GRM5: variants seen among roughly 807,000 people sequenced by gnomAD.
The protein encoded by GRM5 is metabotropic glutamate receptor 5.
A neutral mutation model predicts 83.1 loss-of-function variants in GRM5; 19 were observed. The observed-to-expected ratio is 0.23, with a 90% confidence interval of 0.16 to 0.34. The LOEUF is 0.34. GRM5 is among the 10% of genes least tolerant of loss of function. The probability of loss-of-function intolerance (pLI) is 1.00; values close to 1 mark genes in which losing one functional copy is unlikely to be tolerated. For missense variants in GRM5, 1,160 were observed against 1,588.3 expected (o/e 0.73, Z 4.58); for synonymous variants, 675 against 633.6 (o/e 1.07, Z -0.98).
At chr11:88,916,578 G>C (rs1945596153) in intron 2 of GRM5, among the ~76,000 whole-genome samples, 1 of 151,998 alleles carries the variant, frequency 6.6e-6, no homozygotes, top group Non-Finnish European at 1.5e-5. Flanking sequence ...AACTAGAAAG[G>C]CTGCCTAGAC....
chr11:89,054,850 T>C (rs1012930341), intron 1 of GRM5, among the ~76,000 whole-genome samples: 4 of 152,224 alleles, frequency 2.6e-5, no homozygotes, highest in African/African-American at 7.2e-5. Context: ...AACATATACA[T>C]TGACATTAAT....
At chr11:89,002,030 G>A (rs1328711467) in intron 2 of GRM5, among the ~76,000 whole-genome samples, 1 of 152,094 alleles carries the variant, frequency 6.6e-6, no homozygotes, top group South Asian at 2.1e-4. Context: ...TAGAGAGCTG[G>A]AAATATGGTT....
chr11:88,915,228 CAATA>C (rs1394480822), intron 2 of GRM5, among the ~76,000 whole-genome samples: 1 of 152,032 alleles, frequency 6.6e-6, no homozygotes, highest in Non-Finnish European at 1.5e-5. Flanking sequence ...AAGAAAACAT[CAATA>C]AATATACTAT....
intron 3 of GRM5, among the ~76,000 whole-genome samples, chr11:88,715,579 C>A (rs556166913): frequency 3.9e-5 from 6 of 151,948 alleles, no homozygotes; most frequent in African/African-American, 1.2e-4. Flanking sequence ...AGATTTTACA[C>A]GAATCTTTGT....
At chr11:88,629,651 C>A (rs945658528) in intron 4 of GRM5, among the ~76,000 whole-genome samples, 3 of 152,146 alleles carry the variant, frequency 2.0e-5, no homozygotes, top group African/African-American at 7.2e-5. Context: ...ACAGGATACC[C>A]ATGCTGTCTC....
intron 2 of GRM5, among the ~76,000 whole-genome samples, chr11:88,919,719 A>T (rs774921593): frequency 6.6e-6 from 1 of 152,076 alleles, no homozygotes; most frequent in Admixed American, 6.5e-5. Context: ...GAACAACAGA[A>T]TAATATTAAA....
At chr11:88,546,510 T>C (rs763657497) in intron 8 of GRM5, among the ~76,000 whole-genome samples, 10 of 152,164 alleles carry the variant, frequency 6.6e-5, no homozygotes, top group Non-Finnish European at 1.3e-4. Flanking sequence ...TTAATAATTA[T>C]ATATGTTAAA....
At chr11:88,626,358 A>G (rs1220259564) in intron 4 of GRM5, among the ~76,000 whole-genome samples, 1 of 152,194 alleles carries the variant, frequency 6.6e-6, no homozygotes, top group African/African-American at 2.4e-5. Context: ...CTAATCGGAA[A>G]CCTTCTGGCA....
At chr11:88,697,122 A>G (rs1940923183) in intron 3 of GRM5, among the ~76,000 whole-genome samples, 1 of 152,204 alleles carries the variant, frequency 6.6e-6, no homozygotes, top group Admixed American at 6.5e-5. Flanking sequence ...TATTTTTTAT[A>G]AAATGTTCAT....
intron 4 of GRM5, among the ~76,000 whole-genome samples, chr11:88,618,839 G>A (rs1422289154): frequency 2.0e-5 from 3 of 152,112 alleles, no homozygotes; most frequent in Non-Finnish European, 4.4e-5. Context: ...TTTGTTCAAC[G>A]ATTATTTTTT....
At chr11:88,792,236 T>C (rs1231073003) in intron 3 of GRM5, among the ~76,000 whole-genome samples, 1 of 152,130 alleles carries the variant, frequency 6.6e-6, no homozygotes, top group Non-Finnish European at 1.5e-5. Flanking sequence ...ATAGATATTA[T>C]TGCTCTAGAA....
intron 3 of GRM5, among the ~76,000 whole-genome samples, chr11:88,672,115 G>C (rs968075607): frequency 6.6e-6 from 1 of 151,932 alleles, no homozygotes; most frequent in Non-Finnish European, 1.5e-5. Flanking sequence ...CTGTCTTGGA[G>C]TCCTTGGCCA....
rs1468727311 is a variant in GRM5 at position 88,656,073 on chromosome 11, T to C, written c.912-2670A>G. On this transcript the variant is annotated intron_variant, in intron 3 of 9. Transcript: ENST00000305447. ...TAAATTCAGCAGTAAAATGAAATGC[T>C]AAGAAAAAACCTTTCTGCCACCTAA... 2.6e-5 allele frequency among the ~76,000 whole-genome samples: 4 copies of C among 152,144 alleles called. No individual in the cohort carries two copies. In the East Asian group the frequency reaches 7.7e-4, roughly 29 times the overall value.
chr11:88,978,585 T>C (rs1241118237), intron 2 of GRM5, among the ~76,000 whole-genome samples: 3 of 148,984 alleles, frequency 2.0e-5, no homozygotes, highest in Non-Finnish European at 4.4e-5. Context: ...TGGGCTGCAG[T>C]CGCATGTGGC....
At chr11:88,737,864 C>G (rs975651583) in intron 3 of GRM5, among the ~76,000 whole-genome samples, 1 of 151,974 alleles carries the variant, frequency 6.6e-6, no homozygotes, top group Non-Finnish European at 1.5e-5. Flanking sequence ...TAAATGTCAT[C>G]AAGTTATATT....
intron 4 of GRM5, among the ~76,000 whole-genome samples, chr11:88,606,408 G>C (rs1354331606): frequency 1.3e-5 from 2 of 152,190 alleles, no homozygotes; most frequent in African/African-American, 4.8e-5. Context: ...TCTAATCCCA[G>C]CTACTCAGGA....
chr11:88,893,669 C>A (rs192981860), intron 2 of GRM5, among the ~76,000 whole-genome samples: 1 of 152,154 alleles, frequency 6.6e-6, no homozygotes, highest in East Asian at 1.9e-4. Flanking sequence ...ATTGGAATGA[C>A]TGACAGCAAT....
chr11:88,670,687 C>A (rs1940169116), intron 3 of GRM5, among the ~76,000 whole-genome samples: 1 of 151,940 alleles, frequency 6.6e-6, no homozygotes, highest in Admixed American at 6.6e-5. Flanking sequence ...TTGAAATGAC[C>A]AGTGAATGTT....
At chr11:88,941,582 AAGGGG>A (rs1313502030) in intron 2 of GRM5, among the ~76,000 whole-genome samples, 20 of 85,186 alleles carry the variant, frequency 2.3e-4, no homozygotes, top group Admixed American at 1.7e-3. Context: ...GAGGAGAGGG[AAGGGG>A]AGGGGAGGGG....
Sources: allele counts gnomAD v4.1 joint callset (sites outside exome capture counted in the v4.1 genomes callset), GRCh38; gene constraint gnomAD v4.1.1; transcripts MANE v1.5; gene names NCBI Gene and HGNC (gene_info 2026-07-23, HGNC 2026-07-21).